Variants in NRXN1 observed in about 807,000 individuals in gnomAD.
The protein encoded by NRXN1 is neurexin-1.
Under a neutral mutation model 150.9 loss-of-function variants are expected in NRXN1, and 39 were observed. That is an observed-to-expected ratio of 0.26 (90% CI 0.20 to 0.34). The LOEUF is 0.34. Ranked by LOEUF, NRXN1 falls within the 10% of genes least tolerant of loss-of-function variation. The probability of loss-of-function intolerance (pLI) is 1.00; values close to 1 mark genes in which losing one functional copy is unlikely to be tolerated. For synonymous variants in NRXN1, 924 were observed against 757.0 expected (o/e 1.22, Z -3.62); for missense variants, 1,815 against 1,949.9 (o/e 0.93, Z 1.30).
intron 8 of NRXN1, among the ~76,000 whole-genome samples, chr2:50,597,934 T>C (rs1675504455): frequency 6.6e-6 from 1 of 151,318 alleles, no homozygotes; most frequent in African/African-American, 2.4e-5. Flanking sequence ...AGGTCAGGAG[T>C]TCAAGACTGG....
chr2:50,531,575 C>T (rs1573426289), intron 10 of NRXN1, 145 bp from the exon 11 acceptor site: 1 of 682,072 alleles, frequency 1.5e-6, no homozygotes, highest in Admixed American at 2.7e-5. Flanking sequence ...CAGAAATAAA[C>T]AAAACTGTGA....
chr2:50,918,570 G>C (rs1048939795), intron 5 of NRXN1: 2 of 373,548 alleles, frequency 5.4e-6, no homozygotes, highest in Non-Finnish European at 9.6e-6. Flanking sequence ...ATTATGGCTT[G>C]ATTTTCATGT....
At chr2:50,451,868 T>A (rs1164094515) in intron 17 of NRXN1, among the ~76,000 whole-genome samples, 1 of 152,228 alleles carries the variant, frequency 6.6e-6, no homozygotes, top group Non-Finnish European at 1.5e-5. Flanking sequence ...CAAATCCTAG[T>A]TTATTGCTGA....
intron 21 of NRXN1, among the ~76,000 whole-genome samples, chr2:49,953,296 A>G (rs151234696): frequency 1.4e-3 from 206 of 152,256 alleles, no homozygotes; most frequent in African/African-American, 4.8e-3. Context: ...ATAAGCCAGT[A>G]TCTGAGTAGC....
At chr2:50,800,273 T>C (rs1284766225) in intron 5 of NRXN1, among the ~76,000 whole-genome samples, 1 of 152,210 alleles carries the variant, frequency 6.6e-6, no homozygotes, top group African/African-American at 2.4e-5. Flanking sequence ...CTTTAACTAA[T>C]AGAGATAAGA....
chr2:50,714,602 G>C (rs187452628), intron 5 of NRXN1, among the ~76,000 whole-genome samples: 2 of 152,222 alleles, frequency 1.3e-5, no homozygotes, highest in African/African-American at 2.4e-5. Context: ...CAAGTACAAT[G>C]AACAAAAGGC....
intron 17 of NRXN1, among the ~76,000 whole-genome samples, chr2:50,428,880 A>T (rs2084720751): frequency 6.6e-6 from 1 of 152,194 alleles, no homozygotes; most frequent in African/African-American, 2.4e-5. Flanking sequence ...CCAATGTCAC[A>T]CAGCTTCTAA....
At chr2:50,674,705 TTGAAAA>T (rs1248026965) in intron 5 of NRXN1, among the ~76,000 whole-genome samples, 1 of 152,000 alleles carries the variant, frequency 6.6e-6, no homozygotes, top group African/African-American at 2.4e-5. Flanking sequence ...GTGGTAAAAG[TTGAAAA>T]TGACTCCCAG....
Position 49,936,816 on chromosome 2 carries a change from G to GCA in NRXN1, c.4216+6887_4216+6888insTG, listed in dbSNP as rs202032583. On this transcript the variant is annotated intron_variant, in intron 22 of 22. Transcript: ENST00000401669. ...CTAAAAAACAAAACAAAAAACATAT[G>GCA]TACACACACACACACACACACACAC... 2.1e-3 allele frequency among the ~76,000 whole-genome samples: 308 copies of GCA among 149,932 alleles called. 1 individual carries two copies. The highest frequency in any genetic ancestry group is 5.1e-3 in the Admixed American group (77 of 15,066).
chr2:50,960,824 A>G (rs904243201), intron 2 of NRXN1, among the ~76,000 whole-genome samples: 15 of 151,946 alleles, frequency 9.9e-5, no homozygotes, highest in African/African-American at 3.4e-4. Flanking sequence ...AAAAGCAAAC[A>G]TACATCAAAA....
chr2:50,308,952 C>T (rs185903222), intron 17 of NRXN1, among the ~76,000 whole-genome samples: 4 of 152,052 alleles, frequency 2.6e-5, no homozygotes, highest in Admixed American at 6.6e-5. Flanking sequence ...AAGGGTTAAA[C>T]GAGACATGTT....
intron 18 of NRXN1, among the ~76,000 whole-genome samples, chr2:50,200,066 T>C (rs1421748805): frequency 1.3e-5 from 2 of 152,276 alleles, no homozygotes; most frequent in South Asian, 2.1e-4. Context: ...AATTCCTTTA[T>C]TTTTCATTTT....
chr2:50,769,749 A>T (rs1032113958), intron 5 of NRXN1, among the ~76,000 whole-genome samples: 1 of 152,114 alleles, frequency 6.6e-6, no homozygotes, highest in African/African-American at 2.4e-5. Context: ...TTCAAAAATT[A>T]TTGCCATGAG....
intron 19 of NRXN1, among the ~76,000 whole-genome samples, chr2:50,087,339 A>T (rs1698933154): frequency 1.3e-5 from 2 of 152,268 alleles, no homozygotes; most frequent in South Asian, 4.1e-4. Context: ...TAAAACGAAC[A>T]TTTGACCTTG....
At position 50,236,820 on chromosome 2, in the gene NRXN1, G is replaced by A. The variant is rs2065479270; in HGVS notation, c.3515C>T (p.Ser1172Leu). The A allele has an allele frequency of 3.1e-6, 5 of 1,613,122 alleles. No homozygotes were observed. The highest frequency in any genetic ancestry group is 2.2e-5 in the South Asian group (2 of 91,086). Reference sequence around the variant, plus strand: ...CAGTTCTAGGTAGTCACCCAAGCCTGAAGAACTGTCCACTCGCACCAATAC... The same window carrying A: ...CAGTTCTAGGTAGTCACCCAAGCCTAAAGAACTGTCCACTCGCACCAATAC... The part of the protein sequence containing the change: ...EAVLVRVDSS[S>L]GLGDYLELHI... The change falls in exon 18 of 23, where the codon TCA (serine) becomes TTA (leucine). Residue 1172 changes from serine to leucine, a missense_variant. Transcript: ENST00000401669.
intron 8 of NRXN1, among the ~76,000 whole-genome samples, chr2:50,579,413 T>C (rs748082753): frequency 1.3e-5 from 2 of 152,206 alleles, no homozygotes; most frequent in Non-Finnish European, 2.9e-5. Context: ...GTTATCCTGG[T>C]ACTTCGGAAG....
At chr2:50,329,655 ATATATATATATATATATATTT>A (rs1367935884) in intron 17 of NRXN1, among the ~76,000 whole-genome samples, 37 of 13,042 alleles carry the variant, frequency 2.8e-3, no homozygotes, top group African/African-American at 0.014. Context: ...ATATATATAT[ATATATATATATATATATATTT>A]TTTTTTTTCC....
intron 17 of NRXN1, among the ~76,000 whole-genome samples, chr2:50,422,944 C>T (rs2084114949): frequency 1.3e-5 from 2 of 152,152 alleles, no homozygotes; most frequent in Admixed American, 1.3e-4. Flanking sequence ...TGATTTTCCT[C>T]AAATATCACT....
intron 21 of NRXN1, among the ~76,000 whole-genome samples, chr2:50,011,620 C>A (rs1247538163): frequency 6.6e-6 from 1 of 152,060 alleles, no homozygotes; most frequent in East Asian, 1.9e-4. Flanking sequence ...AAAATAGGTT[C>A]TTGCCTCACC....
Sources: allele counts gnomAD v4.1 joint callset (sites outside exome capture counted in the v4.1 genomes callset), GRCh38; gene constraint gnomAD v4.1.1; transcripts MANE v1.5; gene names NCBI Gene and HGNC (gene_info 2026-07-23, HGNC 2026-07-21).